EVA1A: variants seen among roughly 807,000 people sequenced by gnomAD.
EVA1A encodes protein eva-1 homolog A.
EVA1A carries 7 observed loss-of-function variants against 9.8 expected under a neutral mutation model. That is an observed-to-expected ratio of 0.71 (90% CI 0.41 to 1.34). The LOEUF (loss-of-function observed/expected upper bound fraction) is 1.34, where lower values mean the gene tolerates loss of function less well. Ranked by LOEUF, EVA1A falls within the 40% of genes most tolerant of loss-of-function variation. The pLI is 0.01. For missense variants in EVA1A, 206 were observed against 205.9 expected, an observed-to-expected ratio of 1.00 and a Z score of 0.00; for synonymous variants, 90 against 85.6, an observed-to-expected ratio of 1.05 and a Z score of -0.28.
chr2:75,556,073 G>C (rs148064275), intron 1 of EVA1A, among the ~76,000 whole-genome samples: 1 of 152,216 alleles, frequency 6.6e-6, no homozygotes, highest in East Asian at 1.9e-4. Flanking sequence ...AATCTTAATG[G>C]TACAAACCAG....
chr2:75,525,184 C>T (rs1027524308), intron 1 of EVA1A, among the ~76,000 whole-genome samples: 3 of 151,772 alleles, frequency 2.0e-5, no homozygotes, highest in African/African-American at 7.3e-5. Flanking sequence ...CAAATATTTG[C>T]TTATTCTTTC....
chr2:75,557,034 G>A (rs887965888), intron 1 of EVA1A, among the ~76,000 whole-genome samples: 2 of 152,100 alleles, frequency 1.3e-5, no homozygotes, highest in African/African-American at 4.8e-5. Context: ...ATGTTTCCCT[G>A]GCCCCTAAAA....
Position 75,528,395 on chromosome 2 carries a change from T to A in EVA1A, c.-191-5908A>T, listed in dbSNP as rs922580171. Among the ~76,000 whole-genome samples, 81 of 152,306 alleles carry A rather than the reference T, an allele frequency of 5.3e-4. 1 individual carries two copies. Among genetic ancestry groups the A allele is most frequent in the African/African-American group, 1.8e-3 (76 of 41,562 alleles). On this transcript the variant is annotated intron_variant, in intron 1 of 3. Coordinates refer to ENST00000393913, the MANE Select transcript of EVA1A (RefSeq NM_001135032.2). ...AGCCTGGGGCAAGATCTCAGCCCTG[T>A]GCACCAGAGGCCTGTAAATAAATTC...
chr2:75,544,009 G>T (rs1239724801), intron 1 of EVA1A, among the ~76,000 whole-genome samples: 1 of 152,206 alleles, frequency 6.6e-6, no homozygotes, highest in African/African-American at 2.4e-5. Flanking sequence ...ACAAGTGTGT[G>T]ATACCAAATG....
At chr2:75,540,221 C>T (rs895619126) in intron 1 of EVA1A, among the ~76,000 whole-genome samples, 1 of 152,192 alleles carries the variant, frequency 6.6e-6, no homozygotes, top group Non-Finnish European at 1.5e-5. Context: ...TGTGAGGATG[C>T]AGGGCTTGTA....
intron 3 of EVA1A, among the ~76,000 whole-genome samples, chr2:75,511,288 A>T (rs1359557910): frequency 1.3e-5 from 2 of 152,166 alleles, no homozygotes; most frequent in African/African-American, 4.8e-5. Flanking sequence ...TCTTTGGGGC[A>T]CTTACTCTAC....
chr2:75,535,938 G>GT (rs1262953417), intron 1 of EVA1A, among the ~76,000 whole-genome samples: 43 of 152,244 alleles, frequency 2.8e-4, no homozygotes, highest in East Asian at 1.7e-3. Context: ...GAAATAAAAT[G>GT]TTTTTAAAAA....
intron 3 of EVA1A, among the ~76,000 whole-genome samples, chr2:75,497,850 C>A (rs1321917062): frequency 4.5e-3 from 300 of 66,792 alleles, no homozygotes; most frequent in Middle Eastern, 0.016. Context: ...GATCCTGTCT[C>A]AAAAAAAAAA....
intron 1 of EVA1A, among the ~76,000 whole-genome samples, chr2:75,557,232 G>A (rs529880115): frequency 3.3e-5 from 5 of 152,310 alleles, no homozygotes; most frequent in East Asian, 1.9e-4. Context: ...GTGGCCCAGC[G>A]ACTAGCAAGT....
intron 1 of EVA1A, among the ~76,000 whole-genome samples, chr2:75,543,570 C>T (rs1411823025): frequency 6.6e-6 from 1 of 152,006 alleles, no homozygotes; most frequent in Admixed American, 6.6e-5. Flanking sequence ...CAGAGCAGCA[C>T]CCCCACCCCA....
chr2:75,551,641 A>C (rs1044905833), intron 1 of EVA1A, among the ~76,000 whole-genome samples: 1 of 152,130 alleles, frequency 6.6e-6, no homozygotes, highest in Non-Finnish European at 1.5e-5. Flanking sequence ...TAGGTCCATG[A>C]CTTATAGCTG....
At chr2:75,540,197 A>G (rs1676061222) in intron 1 of EVA1A, among the ~76,000 whole-genome samples, 1 of 152,222 alleles carries the variant, frequency 6.6e-6, no homozygotes, top group Non-Finnish European at 1.5e-5. Flanking sequence ...GGTGTGGCAC[A>G]CTCACAGGGT....
At chr2:75,555,336 T>TCTCTCC (rs766586263) in intron 1 of EVA1A, among the ~76,000 whole-genome samples, 34 of 102,408 alleles carry the variant, frequency 3.3e-4, no homozygotes, top group East Asian at 1.5e-3. Flanking sequence ...TCTCTCTCTC[T>TCTCTCC]CCCCCATCTC....
intron 1 of EVA1A, among the ~76,000 whole-genome samples, chr2:75,557,185 C>T (rs1233958529): frequency 2.6e-5 from 4 of 152,164 alleles, no homozygotes; most frequent in African/African-American, 4.8e-5. Context: ...CACAAATGTG[C>T]AGGTATTTGT....
At chr2:75,512,998 A>G (rs370598595) in intron 3 of EVA1A, among the ~76,000 whole-genome samples, 7 of 152,190 alleles carry the variant, frequency 4.6e-5, no homozygotes, top group African/African-American at 9.6e-5. Flanking sequence ...GTCCTGGCCA[A>G]TGAAATCTGA....
In EVA1A at chr2:75,492,420, A is replaced by AAC. The variant is rs1173374746; in HGVS notation, c.*815_*816insGT. On this transcript the variant is annotated 3_prime_UTR_variant, in exon 4 of 4. Transcript: ENST00000393913. ...TTCTTTGAAATCCAATTAAAAAAAA[A>AAC]AAAAAAAACAAAGTGTTTAAAATCA... 4 of 152,046 alleles carry AAC rather than the reference A, an allele frequency of 2.6e-5. No individual in the cohort carries two copies. The highest frequency in any genetic ancestry group is 4.2e-4 in the South Asian group (2 of 4,782). The allele number at this position is 152,046 out of a possible 1,614,324, so 9.4% of individuals were successfully genotyped here. A position where few individuals can be genotyped will look rare whatever the true frequency, so the allele number is the denominator to read the frequency against.
At chr2:75,495,206 G>T (rs994958243) in intron 3 of EVA1A, among the ~76,000 whole-genome samples, 2 of 152,146 alleles carry the variant, frequency 1.3e-5, no homozygotes, top group Admixed American at 1.3e-4. Flanking sequence ...TTCAGTTCTT[G>T]TTCTCAGAAT....
At chr2:75,534,552 C>G (rs1328525777) in intron 1 of EVA1A, among the ~76,000 whole-genome samples, 1 of 149,828 alleles carries the variant, frequency 6.7e-6, no homozygotes, top group African/African-American at 2.5e-5. Flanking sequence ...AGACAAAAGA[C>G]AAAATGGCAA....
chr2:75,540,709 A>G (rs1676084010), intron 1 of EVA1A: 1 of 152,060 alleles, frequency 6.6e-6, no homozygotes, highest in Admixed American at 6.6e-5. Context: ...ATGCTCCAAG[A>G]CTCTCTCCAA....
Sources: gnomAD v4.1 joint callset for allele counts (sites outside exome capture counted in the v4.1 genomes callset) on GRCh38, gnomAD v4.1.1 for gene constraint, MANE v1.5 for transcripts, NCBI Gene and HGNC (gene_info 2026-07-23, HGNC 2026-07-21) for gene names.